UVRAG: variants seen among roughly 807,000 people sequenced by gnomAD.
UVRAG encodes the protein UV radiation resistance associated.
In UVRAG, 19 loss-of-function variants were observed where a neutral mutation model predicts 78.0. That is an observed-to-expected ratio of 0.24 (90% CI 0.17 to 0.36). The LOEUF (loss-of-function observed/expected upper bound fraction) is 0.36, where lower values mean the gene tolerates loss of function less well. UVRAG is among the 10% of genes least tolerant of loss of function. The pLI, the probability that UVRAG is intolerant of heterozygous loss-of-function variation, is 1.00. For synonymous variants in UVRAG, 323 were observed against 324.6 expected (o/e 1.00, Z 0.05); for missense variants, 740 against 853.8 (o/e 0.87, Z 1.66).
At chr11:75,952,629 G>A (rs1197657959) in intron 6 of UVRAG, among the ~76,000 whole-genome samples, 2 of 152,084 alleles carry the variant, frequency 1.3e-5, no homozygotes, top group Admixed American at 1.3e-4. Flanking sequence ...AACCTACTCA[G>A]ATAAACCCAC....
At chr11:76,019,959 G>C (rs1163724722) in intron 12 of UVRAG, among the ~76,000 whole-genome samples, 27 of 152,128 alleles carry the variant, frequency 1.8e-4, no homozygotes, top group Admixed American at 1.7e-3. Context: ...CAGAGATGCT[G>C]TTTAGGAGGC....
chr11:76,098,234 A>G (rs1281896814), intron 13 of UVRAG, among the ~76,000 whole-genome samples: 1 of 152,204 alleles, frequency 6.6e-6, no homozygotes, highest in African/African-American at 2.4e-5. Flanking sequence ...CAGTGTCCTT[A>G]GGAATAGCTA....
chr11:75,939,724 G>C (rs1186070646), intron 6 of UVRAG, among the ~76,000 whole-genome samples: 1 of 152,156 alleles, frequency 6.6e-6, no homozygotes, highest in Non-Finnish European at 1.5e-5. Context: ...TAATGAACTG[G>C]AGGTCCAACG....
chr11:75,868,732 T>G (rs1946586476), intron 3 of UVRAG, among the ~76,000 whole-genome samples: 1 of 152,202 alleles, frequency 6.6e-6, no homozygotes, highest in African/African-American at 2.4e-5. Context: ...AGTGACTAAA[T>G]TCTCTGAAGT....
rs1447212661 is a variant in UVRAG, at chr11:75,908,821, A to G, written c.508-3133A>G. Among the ~76,000 whole-genome samples, 3 of 141,440 alleles carry G rather than the reference A, an allele frequency of 2.1e-5. No homozygotes were observed. In the South Asian group the frequency reaches 6.6e-4, roughly 31 times the overall value. 92.8% of individuals were successfully genotyped at this position (141,440 alleles called of 152,430 possible). ...CAGATTTTCTGTTTCTTCTTGAGTCATTTTTGGTAGTTTCTGTTTCTTCTT... is the reference window on the plus strand; with the variant it reads ...CAGATTTTCTGTTTCTTCTTGAGTCGTTTTTGGTAGTTTCTGTTTCTTCTT... On this transcript the variant is annotated intron_variant, in intron 5 of 14. Transcript: ENST00000356136.
At chr11:76,054,572 T>C (rs1950941360) in intron 12 of UVRAG, among the ~76,000 whole-genome samples, 1 of 152,204 alleles carries the variant, frequency 6.6e-6, no homozygotes, top group African/African-American at 2.4e-5. Flanking sequence ...CTCCAGGCAC[T>C]CTGGTCTGCC....
At chr11:76,097,231 G>T (rs1453736216) in intron 13 of UVRAG, among the ~76,000 whole-genome samples, 1 of 152,030 alleles carries the variant, frequency 6.6e-6, no homozygotes, top group Non-Finnish European at 1.5e-5. Context: ...CTTCTCTGGG[G>T]CACCTGGAAT....
intron 3 of UVRAG, among the ~76,000 whole-genome samples, chr11:75,877,670 C>T (rs1946829204): frequency 1.4e-5 from 2 of 139,298 alleles, no homozygotes; most frequent in African/African-American, 2.7e-5. Flanking sequence ...TCCTCACTTC[C>T]CAGTAGGGGC....
rs539226610 is a variant in UVRAG at position 76,140,810 on chromosome 11, A to G, written c.1497A>G (p.Pro499=). The G allele has an allele frequency of 1.2e-6, 2 of 1,614,174 alleles. No homozygotes were observed. The highest frequency in any genetic ancestry group is 1.6e-4 in the Middle Eastern group (1 of 6,062). Residue 499 remains proline, a synonymous_variant, in exon 15 of 15, where the codon CCA becomes CCG. Coordinates refer to ENST00000356136, the MANE Select transcript of UVRAG (RefSeq NM_003369.4). ...DVGFSGGIPS[P]DKGHRKRASS... ...GCTTCTCTGGGGGGATCCCTTCACC[A>G]GACAAAGGACATCGAAAACGGGCCA... is the stretch of plus-strand genomic sequence containing the variant.
chr11:76,000,816 C>T (rs544245816), intron 8 of UVRAG, among the ~76,000 whole-genome samples: 18 of 151,920 alleles, frequency 1.2e-4, no homozygotes, highest in Middle Eastern at 3.4e-3. Context: ...CACCAAAAGA[C>T]GTAACAATTC....
At chr11:75,910,402 A>T (rs1227253622) in intron 5 of UVRAG, among the ~76,000 whole-genome samples, 1 of 152,128 alleles carries the variant, frequency 6.6e-6, no homozygotes, top group Non-Finnish European at 1.5e-5. Flanking sequence ...TCCTTGCTTA[A>T]GATTATATAG....
intron 5 of UVRAG, among the ~76,000 whole-genome samples, chr11:75,898,029 C>T (rs944918544): frequency 4.6e-5 from 7 of 151,564 alleles, no homozygotes; most frequent in East Asian, 1.9e-4. Flanking sequence ...CCACCACGCC[C>T]GGCTAATTTT....
chr11:76,071,769 A>G (rs1951314498), intron 13 of UVRAG, among the ~76,000 whole-genome samples: 1 of 152,126 alleles, frequency 6.6e-6, no homozygotes, highest in African/African-American at 2.4e-5. Flanking sequence ...ATGGGACATG[A>G]ACTAGTGGAC....
At chr11:76,010,209 G>C (rs979548235) in intron 11 of UVRAG, among the ~76,000 whole-genome samples, 3 of 152,018 alleles carry the variant, frequency 2.0e-5, no homozygotes, top group African/African-American at 7.2e-5. Flanking sequence ...CTTTTGTCCC[G>C]TACCAGTTTC....
chr11:76,125,286 G>A (rs2134486076), intron 14 of UVRAG, among the ~76,000 whole-genome samples: 1 of 152,260 alleles, frequency 6.6e-6, no homozygotes, highest in South Asian at 2.1e-4. Context: ...AAAAATAAGT[G>A]AAAAAGAAAG....
intron 6 of UVRAG, among the ~76,000 whole-genome samples, chr11:75,919,111 A>G (rs1947921091): frequency 6.6e-6 from 1 of 152,242 alleles, no homozygotes; most frequent in South Asian, 2.1e-4. Context: ...CAACCAATAA[A>G]TTATCAATAG....
intron 3 of UVRAG, among the ~76,000 whole-genome samples, chr11:75,873,443 C>T (rs568142816): frequency 6.6e-5 from 10 of 151,984 alleles, no homozygotes; most frequent in Middle Eastern, 3.4e-3. Flanking sequence ...TCCTCGCAGT[C>T]GGTGGCAGGC....
In UVRAG at chr11:75,975,945, A is replaced by G. The variant is rs576255982; in HGVS notation, c.700-7442A>G. Among the ~76,000 whole-genome samples the G allele has an allele frequency of 3.2e-4, 48 of 152,310 alleles. No homozygotes were observed. In the South Asian group the frequency reaches 9.9e-3, roughly 32 times the overall value. ...AAAGAGGGCATCCCTGTCTTGTGCCAGTTTTCAAAGGGAATGGTTCCAGTT... is the reference window on the plus strand; with the variant it reads ...AAAGAGGGCATCCCTGTCTTGTGCCGGTTTTCAAAGGGAATGGTTCCAGTT... On this transcript the variant is annotated intron_variant, in intron 7 of 14. Transcript: ENST00000356136.
At chr11:76,053,374 TGTTTC>T (rs1214850033) in intron 12 of UVRAG, among the ~76,000 whole-genome samples, 4 of 149,964 alleles carry the variant, frequency 2.7e-5, no homozygotes, top group African/African-American at 2.5e-5. Context: ...CCTTCTCCCG[TGTTTC>T]CCATCACAAT....
Sources: gnomAD v4.1 joint callset for allele counts (sites outside exome capture counted in the v4.1 genomes callset) on GRCh38, gnomAD v4.1.1 for gene constraint, MANE v1.5 for transcripts, NCBI Gene and HGNC (gene_info 2026-07-23, HGNC 2026-07-21) for gene names.